The following TRHDE variants were observed in gnomAD, a reference collection of about 807,000 sequenced individuals.
The protein encoded by TRHDE is thyrotropin-releasing hormone-degrading ectoenzyme.
In TRHDE, 72 loss-of-function variants were observed where a neutral mutation model predicts 125.7. The ratio of observed to expected loss-of-function variants is 0.57; its 90% CI spans 0.47 to 0.70. TRHDE has a LOEUF of 0.70. Among genes scored for constraint, TRHDE ranks in the 30% least tolerant of loss-of-function variants. TRHDE has a pLI of 0.00. For synonymous variants in TRHDE, 509 were observed against 509.1 expected (o/e 1.00, Z 0.00); for missense variants, 1,110 against 1,327.1 (o/e 0.84, Z 2.54).
intron 1 of TRHDE, among the ~76,000 whole-genome samples, chr12:72,280,979 CATTT>C (rs1173906857): frequency 6.6e-6 from 1 of 152,108 alleles, no homozygotes; most frequent in Non-Finnish European, 1.5e-5. Flanking sequence ...CTGGGAAAGT[CATTT>C]TAATGCATTC....
intron 18 of TRHDE, among the ~76,000 whole-genome samples, chr12:72,657,310 C>T (rs777724165): frequency 3.9e-5 from 6 of 152,050 alleles, no homozygotes; most frequent in Admixed American, 6.6e-5. Context: ...TTCTATTAAC[C>T]CACTGTAGGA....
At chr12:72,397,996 A>G (rs1333078474) in intron 3 of TRHDE, among the ~76,000 whole-genome samples, 1 of 53,418 alleles carries the variant, frequency 1.9e-5, no homozygotes, top group African/African-American at 7.6e-5. Flanking sequence ...CCCCAACCCC[A>G]CAACAGTCCC....
chr12:72,293,515 G>A (rs1210246933), intron 2 of TRHDE, among the ~76,000 whole-genome samples: 3 of 152,134 alleles, frequency 2.0e-5, no homozygotes, highest in African/African-American at 4.8e-5. Context: ...ACTGGGGACA[G>A]GCTTCCTCTC....
At chr12:72,507,559 G>C (rs1227329527) in intron 6 of TRHDE, among the ~76,000 whole-genome samples, 1 of 152,178 alleles carries the variant, frequency 6.6e-6, no homozygotes, top group East Asian at 1.9e-4. Flanking sequence ...TTCTAATAGT[G>C]TGTTCTCATA....
At chr12:72,374,837 C>A (rs912705806) in intron 2 of TRHDE, among the ~76,000 whole-genome samples, 1 of 151,834 alleles carries the variant, frequency 6.6e-6, no homozygotes, top group African/African-American at 2.4e-5. Context: ...TCAAGGGAGA[C>A]TAAAAAAAGG....
intron 2 of TRHDE, among the ~76,000 whole-genome samples, chr12:72,307,157 CTT>C (rs1192110840): frequency 6.6e-6 from 1 of 150,588 alleles, no homozygotes; most frequent in Non-Finnish European, 1.5e-5. Context: ...ATCTGTCAGA[CTT>C]TTTTTTTAGA....
chr12:72,579,586 G>A (rs1467221858), intron 12 of TRHDE, among the ~76,000 whole-genome samples: 2 of 152,030 alleles, frequency 1.3e-5, no homozygotes, highest in African/African-American at 2.4e-5. Flanking sequence ...AAGCTTTGTG[G>A]TGGTTATCAT....
intron 2 of TRHDE, among the ~76,000 whole-genome samples, chr12:72,342,171 T>G (rs1041396385): frequency 6.6e-6 from 1 of 152,168 alleles, no homozygotes; most frequent in African/African-American, 2.4e-5. Context: ...TGTTATATTT[T>G]GATTCTATTC....
chr12:72,118,844 T>C (rs2081331527), intron 2 of TRHDE, among the ~76,000 whole-genome samples: 1 of 152,188 alleles, frequency 6.6e-6, no homozygotes, highest in Non-Finnish European at 1.5e-5. Flanking sequence ...TAGTTGCTCA[T>C]AGTAGCCTCT....
At chr12:72,357,280 T>TGAAAAATACTC (rs1172222210) in intron 2 of TRHDE, among the ~76,000 whole-genome samples, 2 of 151,606 alleles carry the variant, frequency 1.3e-5, no homozygotes, top group Non-Finnish European at 3.0e-5. Flanking sequence ...TACTAGTCCA[T>TGAAAAATACTC]GAAAAATACT....
intron 2 of TRHDE, among the ~76,000 whole-genome samples, chr12:72,357,852 T>G (rs1870891423): frequency 6.6e-6 from 1 of 151,430 alleles, no homozygotes; most frequent in African/African-American, 2.4e-5. Flanking sequence ...TACAATAAAA[T>G]GTATTTAAAA....
chr12:72,566,620 A>ATATT (rs1318851205), intron 9 of TRHDE, among the ~76,000 whole-genome samples: 1 of 1,266 alleles, frequency 7.9e-4, no homozygotes, highest in Non-Finnish European at 2.7e-3. Flanking sequence ...CATGGAAATT[A>ATATT]TGTTTATATT....
intron 3 of TRHDE, among the ~76,000 whole-genome samples, chr12:72,451,166 C>T (rs1435185865): frequency 6.6e-6 from 1 of 152,014 alleles, no homozygotes; most frequent in Non-Finnish European, 1.5e-5. Flanking sequence ...GTTGCCTGTG[C>T]TTTTGAGGTT....
In TRHDE at chr12:72,518,838, C is replaced by G. The variant is rs951173491; in HGVS notation, c.1722+19203C>G. On this transcript the variant is annotated intron_variant, in intron 6 of 18. Transcript: ENST00000261180. ...CTTCAGGAGCTCTTTTAGGGCAGGC[C>G]TGGTGGTGACAGAATCTCTCAGCAT... Among the ~76,000 whole-genome samples, 12 of 152,164 alleles carry G rather than the reference C, an allele frequency of 7.9e-5. No individual in the cohort carries two copies. The South Asian group carries it at 2.3e-3, about 29-fold the overall frequency.
At chr12:72,503,338 T>C (rs1381369417) in intron 6 of TRHDE, among the ~76,000 whole-genome samples, 1 of 152,206 alleles carries the variant, frequency 6.6e-6, no homozygotes, top group Non-Finnish European at 1.5e-5. Flanking sequence ...AGAGCCAGTA[T>C]TCTTAATTAT....
intron 18 of TRHDE, 44 bp downstream of exon 18, chr12:72,657,052 A>G (rs748459428): frequency 2.4e-6 from 3 of 1,240,534 alleles, no homozygotes; most frequent in East Asian, 4.6e-5. Context: ...TTTTATAAAC[A>G]TTTGAAATTA....
At chr12:72,624,053 C>A (rs189199466) in intron 15 of TRHDE, among the ~76,000 whole-genome samples, 44 of 151,982 alleles carry the variant, frequency 2.9e-4, no homozygotes, top group Non-Finnish European at 5.2e-4. Flanking sequence ...TTTGCTTAAC[C>A]CACTACATGA....
intron 6 of TRHDE, among the ~76,000 whole-genome samples, chr12:72,505,628 C>T (rs1304516146): frequency 6.6e-6 from 1 of 152,014 alleles, no homozygotes; most frequent in Non-Finnish European, 1.5e-5. Context: ...ATCTGTACAC[C>T]AAACAAAATT....
At chr12:72,244,125 A>G (rs551056367) in intron 2 of TRHDE, among the ~76,000 whole-genome samples, 218 of 152,228 alleles carry the variant, frequency 1.4e-3, no homozygotes, top group Admixed American at 4.5e-3. Context: ...TACTGGATTT[A>G]TGTTATTATC....
Sources: allele counts gnomAD v4.1 joint callset (sites outside exome capture counted in the v4.1 genomes callset), GRCh38; gene constraint gnomAD v4.1.1; transcripts MANE v1.5; gene names NCBI Gene and HGNC (gene_info 2026-07-23, HGNC 2026-07-21).